The following CBX5 variants were observed in gnomAD, a reference collection of about 807,000 sequenced individuals.
CBX5 encodes the protein chromobox protein homolog 5.
CBX5 carries 7 observed loss-of-function variants against 20.7 expected under a neutral mutation model. The ratio of observed to expected loss-of-function variants is 0.34; its 90% CI spans 0.19 to 0.63. The LOEUF is 0.63. CBX5 is among the 30% of genes least tolerant of loss of function. The probability of loss-of-function intolerance (pLI) is 0.75; values close to 1 mark genes in which losing one functional copy is unlikely to be tolerated. For synonymous variants in CBX5, 78 were observed against 77.0 expected, an observed-to-expected ratio of 1.01 and a Z score of -0.07; for missense variants, 110 against 224.1, an observed-to-expected ratio of 0.49 and a Z score of 3.25.
chr12:54,278,538 G>A (rs1406150661), intron 1 of CBX5: 3 of 152,160 alleles, frequency 2.0e-5, no homozygotes, highest in Non-Finnish European at 2.9e-5. Context: ...TATTTCATAG[G>A]TAGTTGATTT....
intron 4 of CBX5, among the ~76,000 whole-genome samples, chr12:54,244,508 C>T (rs1386507534): frequency 6.6e-6 from 1 of 151,782 alleles, no homozygotes; most frequent in Non-Finnish European, 1.5e-5. Context: ...GAGGCCAAGG[C>T]AGGCAGATTG....
At chr12:54,277,751 C>CTAAACA (rs1418320333) in intron 1 of CBX5, among the ~76,000 whole-genome samples, 1 of 152,228 alleles carries the variant, frequency 6.6e-6, no homozygotes, top group Non-Finnish European at 1.5e-5. Flanking sequence ...AGGCCACTCC[C>CTAAACA]TAAACATTTC....
chr12:54,246,858 C>T (rs893065979), intron 3 of CBX5, among the ~76,000 whole-genome samples: 1 of 151,880 alleles, frequency 6.6e-6, no homozygotes, highest in African/African-American at 2.4e-5. Context: ...CCTCTAATCC[C>T]ACTCACTTGG....
At chr12:54,264,989 C>A (rs941394123) in intron 1 of CBX5, among the ~76,000 whole-genome samples, 1 of 152,132 alleles carries the variant, frequency 6.6e-6, no homozygotes, top group Non-Finnish European at 1.5e-5. Flanking sequence ...ATTCTATAAG[C>A]CCCCTAACTA....
At chr12:54,257,025 A>G (rs529670459) in intron 2 of CBX5, among the ~76,000 whole-genome samples, 11 of 152,042 alleles carry the variant, frequency 7.2e-5, no homozygotes, top group African/African-American at 2.7e-4. Context: ...CACCACACTT[A>G]ATTTTTTTAT....
intron 3 of CBX5, among the ~76,000 whole-genome samples, chr12:54,246,892 G>C (rs2137013088): frequency 6.6e-6 from 1 of 151,726 alleles, no homozygotes; most frequent in East Asian, 1.9e-4. Flanking sequence ...TTGTAAATAA[G>C]CTTCTGAAAT....
At chr12:54,267,576 A>G (rs1943967856) in intron 1 of CBX5, among the ~76,000 whole-genome samples, 1 of 151,932 alleles carries the variant, frequency 6.6e-6, no homozygotes. Flanking sequence ...CAGTGGCACA[A>G]TCTCGGCTCA....
intron 1 of CBX5, among the ~76,000 whole-genome samples, chr12:54,267,948 A>G (rs2137028802): frequency 6.6e-6 from 1 of 152,346 alleles, no homozygotes; most frequent in Non-Finnish European, 1.5e-5. Flanking sequence ...ATTCGAGACC[A>G]GCCTGGCCAA....
At chr12:54,260,160 CA>C (rs368171294) in intron 1 of CBX5, among the ~76,000 whole-genome samples, 4,220 of 75,026 alleles carry the variant, frequency 0.056, 148 homozygotes, top group African/African-American at 0.16. Flanking sequence ...AAACAACAAC[CA>C]AAAAAAAAAA....
rs757909869 is a variant in CBX5 at position 54,252,979 on chromosome 12, CAA to C, written c.138-754_138-753del. 4.6e-3 allele frequency among the ~76,000 whole-genome samples: 217 copies of C among 47,244 alleles called. 1 individual carries two copies. Among genetic ancestry groups the C allele is most frequent in the African/African-American group, 0.017 (210 of 12,544 alleles). 31.0% of individuals were successfully genotyped at this position (47,244 alleles called of 152,430 possible). On this transcript the variant is annotated intron_variant, in intron 2 of 4. Coordinates refer to ENST00000209875, the MANE Select transcript of CBX5 (RefSeq NM_012117.3). The stretch of plus-strand genomic sequence containing the variant: ...TGGGCGAAAAAGCCAGACTCTGTCT[CAA>C]AAAAAAAAAAAAAAAAAAAAGCAGA...
intron 2 of CBX5, among the ~76,000 whole-genome samples, chr12:54,254,744 T>A (rs1413666242): frequency 6.6e-6 from 1 of 151,800 alleles, no homozygotes; most frequent in African/African-American, 2.4e-5. Flanking sequence ...TCCCATCTAC[T>A]CAGGAGGCTG....
chr12:54,241,737 C>G lies in CBX5; in HGVS notation c.*18G>C, dbSNP rs1391385011. 6.2e-7 allele frequency: 1 copy of G among 1,604,734 alleles called. No homozygotes were observed. Among genetic ancestry groups the G allele is most frequent in the Non-Finnish European group, 8.5e-7 (1 of 1,177,004 alleles). ...ATGTATTATGTACAAAGAGAAATGA[C>G]AGAGACCATCCCCTCCTTTAGCTCT... is the stretch of plus-strand genomic sequence containing the variant. On this transcript the variant is annotated 3_prime_UTR_variant, in exon 5 of 5. Coordinates refer to ENST00000209875, the MANE Select transcript of CBX5 (RefSeq NM_012117.3).
chr12:54,272,306 G>A (rs1944018042), intron 1 of CBX5: 1 of 152,038 alleles, frequency 6.6e-6, no homozygotes. Flanking sequence ...TCTTGAAACG[G>A]TCCTTTCAAG....
At position 54,239,357 on chromosome 12, in the gene CBX5, G is replaced by C. The variant is rs1005734925; in HGVS notation, c.*2398C>G. On this transcript the variant is annotated 3_prime_UTR_variant, in exon 5 of 5. Coordinates refer to ENST00000209875, the MANE Select transcript of CBX5 (RefSeq NM_012117.3). ...TGTCATGTTCTTTGTCCACATACTA[G>C]GTTTTTGGTTTTAAAAATAAGGTCG... is the stretch of plus-strand genomic sequence containing the variant. 1.3e-5 allele frequency: 2 copies of C among 152,124 alleles called. No individual in the cohort carries two copies. The highest frequency in any genetic ancestry group is 1.3e-4 in the Admixed American group (2 of 15,270). The allele number at this position is 152,124 out of a possible 1,614,324, so 9.4% of individuals were successfully genotyped here.
chr12:54,255,250 G>A (rs542544070), intron 2 of CBX5, among the ~76,000 whole-genome samples: 2 of 151,950 alleles, frequency 1.3e-5, no homozygotes, highest in Non-Finnish European at 2.9e-5. Context: ...AACACAGTGA[G>A]ACCCTGTCTC....
rs757909869 is a variant in CBX5, at chr12:54,252,979, CAAAAAAAAAAAA to C, written c.138-764_138-753del. On this transcript the variant is annotated intron_variant, in intron 2 of 4. Coordinates refer to ENST00000209875, the MANE Select transcript of CBX5 (RefSeq NM_012117.3). ...TGGGCGAAAAAGCCAGACTCTGTCT[CAAAAAAAAAAAA>C]AAAAAAAAAAGCAGATCAGTGAATG... is the stretch of plus-strand genomic sequence containing the variant. Among the ~76,000 whole-genome samples, 12 of 47,264 alleles carry C rather than the reference CAAAAAAAAAAAA, an allele frequency of 2.5e-4. 1 individual carries two copies. Among genetic ancestry groups the C allele is most frequent in the African/African-American group, 9.6e-4 (12 of 12,550 alleles). 31.0% of individuals were successfully genotyped at this position (47,264 alleles called of 152,430 possible).
At chr12:54,258,857 TG>T (rs1413660035) in intron 1 of CBX5, among the ~76,000 whole-genome samples, 2 of 152,174 alleles carry the variant, frequency 1.3e-5, no homozygotes, top group Non-Finnish European at 2.9e-5. Flanking sequence ...AGAAAACCAC[TG>T]GGTCAGGGAG....
At chr12:54,270,923 T>C (rs1752007730) in intron 1 of CBX5, among the ~76,000 whole-genome samples, 2 of 152,190 alleles carry the variant, frequency 1.3e-5, no homozygotes, top group South Asian at 2.1e-4. Flanking sequence ...CTGAGCATGG[T>C]GGCACATGCC....
rs1320695669 is a variant in CBX5, at chr12:54,246,196, C to T, written c.344G>A (p.Arg115Gln). The change falls in exon 4 of 5, where the codon CGG (arginine) becomes CAG (glutamine). Residue 115 changes from arginine (R) to glutamine (Q), a missense_variant. Around this residue, in one of 3 missense-constraint regions of CBX5, gnomAD observed 21 missense variants for 18.6 expected, o/e 1.13. Transcript: ENST00000209875. ...KKREQSNDIARGFERGLEPEK... is the reference protein window; with the variant it reads ...KKREQSNDIAQGFERGLEPEK... Reference sequence around the variant, plus strand: ...TGGTTCCAGTCCTCTCTCAAAGCCCCGAGCGATATCATTGCTCTGCTATAA... The same window carrying T: ...TGGTTCCAGTCCTCTCTCAAAGCCCTGAGCGATATCATTGCTCTGCTATAA... The T allele has an allele frequency of 1.2e-6, 2 of 1,612,572 alleles. No individual in the cohort carries two copies. The highest frequency in any genetic ancestry group is 2.2e-5 in the East Asian group (1 of 44,872).
Sources: allele counts gnomAD v4.1 joint callset (sites outside exome capture counted in the v4.1 genomes callset), GRCh38; gene constraint gnomAD v4.1.1; regional missense constraint gnomAD v4.1.1; transcripts MANE v1.5; gene names NCBI Gene and HGNC (gene_info 2026-07-23, HGNC 2026-07-21).